Variants in KIF26B observed in about 807,000 individuals in gnomAD.
The protein encoded by KIF26B is kinesin-like protein KIF26B.
In KIF26B, 63 loss-of-function variants were observed where a neutral mutation model predicts 151.2. The observed-to-expected ratio is 0.42, with a 90% CI of 0.34 to 0.51. The LOEUF (loss-of-function observed/expected upper bound fraction) is 0.51, where lower values mean the gene tolerates loss of function less well. KIF26B is among the 20% of genes least tolerant of loss of function. The pLI is 0.07. For missense variants in KIF26B, 2,813 were observed against 2,913.6 expected (o/e 0.97, Z 0.79); for synonymous variants, 1,357 against 1,262.1 (o/e 1.08, Z -1.59).
At chr1:245,585,815 C>T (rs573860902) in intron 5 of KIF26B, among the ~76,000 whole-genome samples, 15 of 152,192 alleles carry the variant, frequency 9.9e-5, no homozygotes, top group African/African-American at 2.6e-4. Flanking sequence ...TCCTTCATGC[C>T]AATCACATGG....
At chr1:245,330,928 C>A (rs923586852) in intron 2 of KIF26B, among the ~76,000 whole-genome samples, 2 of 151,796 alleles carry the variant, frequency 1.3e-5, no homozygotes, top group Non-Finnish European at 2.9e-5. Context: ...CAATGAGGTG[C>A]GGGAAGTCCC....
At position 245,568,184 on chromosome 1, in the gene KIF26B, C is replaced by CAAAAAA. The variant is rs61494632; in HGVS notation, c.1350+27259_1350+27264dup. 1.7e-3 allele frequency among the ~76,000 whole-genome samples: 50 copies of CAAAAAA among 28,704 alleles called. 2 individuals carry two copies. The highest frequency in any genetic ancestry group is 4.5e-3 in the African/African-American group (34 of 7,538). The allele number at this position is 28,704 out of a possible 152,430, so 18.8% of individuals were successfully genotyped here. ...TGGGCAACAGAGTGAAACTCCATCTCAAAAAAAAAAAAAAAAAAAAAAAAA... is the reference window on the plus strand; with the variant it reads ...TGGGCAACAGAGTGAAACTCCATCTCAAAAAAAAAAAAAAAAAAAAAAAAAAAAAAA... On this transcript the variant is annotated intron_variant, in intron 5 of 14. Transcript: ENST00000407071.
intron 5 of KIF26B, among the ~76,000 whole-genome samples, chr1:245,556,574 A>AT (rs935428171): frequency 2.6e-5 from 4 of 151,938 alleles, no homozygotes; most frequent in South Asian, 4.2e-4. Flanking sequence ...TAATTTTTGT[A>AT]TTTTTTTGGT....
intron 2 of KIF26B, among the ~76,000 whole-genome samples, chr1:245,355,927 C>G (rs1190517404): frequency 6.6e-6 from 1 of 152,170 alleles, no homozygotes; most frequent in Non-Finnish European, 1.5e-5. Flanking sequence ...TTCCTTCTCC[C>G]TGCCTCCTCT....
At chr1:245,270,301 A>C (rs117898141) in intron 2 of KIF26B, among the ~76,000 whole-genome samples, 34 of 35,052 alleles carry the variant, frequency 9.7e-4, no homozygotes, top group East Asian at 2.2e-3. Flanking sequence ...CTTCCCTTCC[A>C]TCTTCCCTTC....
At position 245,705,501 on chromosome 1, in the gene KIF26B, C is replaced by G. The variant is rs2044829662; in HGVS notation, c.*2895C>G. Reference sequence around the variant, plus strand: ...GGCCAGACATGATAGTTCCAGGTCTCCCCTTGGTTTTGGTGATAGAGAACC... The same window carrying G: ...GGCCAGACATGATAGTTCCAGGTCTGCCCTTGGTTTTGGTGATAGAGAACC... On this transcript the variant is annotated 3_prime_UTR_variant, in exon 15 of 15. Transcript: ENST00000407071. 6.6e-6 allele frequency: 1 copy of G among 152,110 alleles called. No individual in the cohort carries two copies. The highest frequency in any genetic ancestry group is 1.5e-5 in the Non-Finnish European group (1 of 68,026). The allele number at this position is 152,110 out of a possible 1,614,324, so 9.4% of individuals were successfully genotyped here.
rs111516452 is a variant in KIF26B at position 245,227,787 on chromosome 1, G to A, written c.465+71104G>A. Among the ~76,000 whole-genome samples the A allele has an allele frequency of 6.6e-6, 1 of 152,022 alleles. No individual in the cohort carries two copies. Among genetic ancestry groups the A allele is most frequent in the Admixed American group, 6.6e-5 (1 of 15,238 alleles). On this transcript the variant is annotated intron_variant, in intron 2 of 14. Coordinates refer to ENST00000407071, the MANE Select transcript of KIF26B (RefSeq NM_018012.4). This position sits in a 1 kb window ranked among gnomAD's most constrained non-coding sequence, Gnocchi z 4.1. ...AGGCTGAGGTGGGTGGATTACCTGA[G>A]GTCAGGAGTTTGAGACCAGCCTGGC...
At position 245,367,376 on chromosome 1, in the gene KIF26B, C is replaced by A. The variant is rs1411677150; in HGVS notation, c.999+9C>A. ...CCCTGTACCCATACCAGGTAAGTAG[C>A]CTGTGTGAGCCAGGAAGAGCAGGGC... is the stretch of plus-strand genomic sequence containing the variant. On this transcript the variant is annotated intron_variant, in intron 3 of 14. Coordinates refer to ENST00000407071, the MANE Select transcript of KIF26B (RefSeq NM_018012.4). The surrounding 1 kb of genome is among the most constrained non-coding windows in gnomAD (Gnocchi z 4.2). 1.3e-6 allele frequency: 2 copies of A among 1,572,614 alleles called. No homozygotes were observed. Among genetic ancestry groups the A allele is most frequent in the East Asian group, 2.3e-5 (1 of 42,862 alleles).
At chr1:245,656,766 CAACTGGTTCAG>C (rs766217699) in intron 10 of KIF26B, among the ~76,000 whole-genome samples, 1 of 151,688 alleles carries the variant, frequency 6.6e-6, no homozygotes, top group Non-Finnish European at 1.5e-5. Context: ...ACCTGTTTCA[CAACTGGTTCAG>C]GCCCAATTGA....
chr1:245,223,852 A>C (rs1351695021), intron 2 of KIF26B, among the ~76,000 whole-genome samples: 1 of 152,198 alleles, frequency 6.6e-6, no homozygotes, highest in African/African-American at 2.4e-5. Flanking sequence ...GTAGCACCAA[A>C]CTGTACCTTT....
intron 4 of KIF26B, among the ~76,000 whole-genome samples, chr1:245,492,260 G>A (rs1660424065): frequency 6.6e-6 from 1 of 152,188 alleles, no homozygotes; most frequent in Non-Finnish European, 1.5e-5. Context: ...GGTCAGAAAT[G>A]CCACTTTGGG....
Position 245,602,710 on chromosome 1 carries a change from T to A in KIF26B, c.1484T>A (p.Phe495Tyr). ...CTGACTTGTGGAGGTCAAAATGCCT[T>A]CCAAAAGAGAGGCAACCAGGTTCCT... is the stretch of plus-strand genomic sequence containing the variant. Reference protein sequence around the residue: ...DPLTCGGQNAFQKRGNQVPPK... With the variant: ...DPLTCGGQNAYQKRGNQVPPK... The change falls in exon 6 of 15, where the codon TTC (phenylalanine) becomes TAC (tyrosine). Residue 495 changes from phenylalanine to tyrosine, a missense_variant. Physicochemically the swap from Phe to Tyr is conservative, Grantham distance 22. Coordinates refer to ENST00000407071, the MANE Select transcript of KIF26B (RefSeq NM_018012.4). This position sits in a 1 kb window ranked among gnomAD's most constrained non-coding sequence, Gnocchi z 4.5. 6.2e-7 allele frequency: 1 copy of A among 1,614,008 alleles called. No individual in the cohort carries two copies. Among genetic ancestry groups the A allele is most frequent in the Non-Finnish European group, 8.5e-7 (1 of 1,179,884 alleles).
At chr1:245,175,340 A>G (rs142458183) in intron 2 of KIF26B, among the ~76,000 whole-genome samples, 32 of 152,178 alleles carry the variant, frequency 2.1e-4, no homozygotes, top group Middle Eastern at 6.8e-3. Context: ...AGTCTGGGAA[A>G]ATCTAAGAAT....
intron 2 of KIF26B, among the ~76,000 whole-genome samples, chr1:245,295,091 T>C: frequency 6.6e-6 from 1 of 152,170 alleles, no homozygotes; most frequent in Non-Finnish European, 1.5e-5. Context: ...GCCCGTATAG[T>C]ATGTGACACC....
intron 4 of KIF26B, among the ~76,000 whole-genome samples, chr1:245,517,835 T>C (rs972876529): frequency 6.6e-6 from 1 of 151,170 alleles, no homozygotes; most frequent in Admixed American, 6.6e-5. Context: ...TCTCTGTGTA[T>C]GCACAGGACC....
chr1:245,247,947 C>T (rs542085653), intron 2 of KIF26B, among the ~76,000 whole-genome samples: 2 of 152,234 alleles, frequency 1.3e-5, no homozygotes, highest in Admixed American at 6.5e-5. Flanking sequence ...CACCAGAGCC[C>T]GTGTTAGCCC....
rs765004789 is a variant in KIF26B, at chr1:245,634,283, T to C, written c.2099-11838T>C. On this transcript the variant is annotated intron_variant, in intron 9 of 14. Coordinates refer to ENST00000407071, the MANE Select transcript of KIF26B (RefSeq NM_018012.4). ...TAGGTGACTATATCACCAATGAAGA[T>C]CATTTGACTTTCTTTCCAATCTGGA... Among the ~76,000 whole-genome samples, 8 of 152,234 alleles carry C rather than the reference T, an allele frequency of 5.3e-5. 1 individual carries two copies. The highest frequency in any genetic ancestry group is 1.2e-4 in the Non-Finnish European group (8 of 68,040).
chr1:245,656,402 T>C (rs1345692735), intron 10 of KIF26B, among the ~76,000 whole-genome samples: 1 of 152,234 alleles, frequency 6.6e-6, no homozygotes, highest in Non-Finnish European at 1.5e-5. Context: ...CCTGCTTTGA[T>C]ATAGAGATGA....
At chr1:245,492,890 C>G (rs1660437033) in intron 4 of KIF26B, among the ~76,000 whole-genome samples, 1 of 152,130 alleles carries the variant, frequency 6.6e-6, no homozygotes, top group Non-Finnish European at 1.5e-5. Context: ...AAGCGATTCT[C>G]CTGCCTCAGC....
Sources: gnomAD v4.1 joint callset for allele counts (sites outside exome capture counted in the v4.1 genomes callset) on GRCh38, gnomAD v4.1.1 for gene constraint, Gnocchi (gnomAD v3.1) non-coding constraint, MANE v1.5 for transcripts, NCBI Gene and HGNC (gene_info 2026-07-23, HGNC 2026-07-21) for gene names.